The following ROBO2 variants were observed in gnomAD, a reference collection of about 807,000 sequenced individuals.
The protein encoded by ROBO2 is roundabout homolog 2.
ROBO2 carries 53 observed loss-of-function variants against 160.8 expected under a neutral mutation model. That is an observed-to-expected ratio of 0.33 (90% CI 0.26 to 0.41). ROBO2 has a LOEUF of 0.41. Ranked by LOEUF, ROBO2 falls within the 10% of genes least tolerant of loss-of-function variation. The pLI, the probability that ROBO2 is intolerant of heterozygous loss-of-function variation, is 1.00. For missense variants in ROBO2, 1,577 were observed against 1,722.4 expected (o/e 0.92, Z 1.49); for synonymous variants, 664 against 611.7 (o/e 1.09, Z -1.26).
intron 2 of ROBO2, among the ~76,000 whole-genome samples, chr3:76,163,549 T>A (rs1229063150): frequency 6.7e-6 from 1 of 149,692 alleles, no homozygotes; most frequent in East Asian, 1.9e-4. Context: ...TATATTTGAA[T>A]TATATGTATA....
At chr3:77,370,297 G>C (rs1299250953) in intron 2 of ROBO2, among the ~76,000 whole-genome samples, 2 of 152,166 alleles carry the variant, frequency 1.3e-5, no homozygotes, top group Non-Finnish European at 2.9e-5. Context: ...GCTTGAAACG[G>C]AATTCACATT....
intron 2 of ROBO2, among the ~76,000 whole-genome samples, chr3:77,256,795 C>T (rs774353637): frequency 1.4e-4 from 22 of 152,292 alleles, no homozygotes; most frequent in Admixed American, 1.2e-3. Flanking sequence ...GTAAGCCAGC[C>T]GTCTTTCTCT....
intron 2 of ROBO2, among the ~76,000 whole-genome samples, chr3:77,216,168 C>G (rs2084914281): frequency 1.3e-5 from 2 of 152,148 alleles, no homozygotes; most frequent in Non-Finnish European, 2.9e-5. Flanking sequence ...TGCCCTGTCC[C>G]CAGAGGTGGG....
chr3:76,269,010 A>G (rs554521513), intron 2 of ROBO2, among the ~76,000 whole-genome samples: 2 of 152,218 alleles, frequency 1.3e-5, no homozygotes, highest in East Asian at 3.9e-4. Flanking sequence ...AAACATTGAA[A>G]TGACTGTTAT....
intron 2 of ROBO2, among the ~76,000 whole-genome samples, chr3:76,494,304 C>T (rs9819725): frequency 0.02 from 3,089 of 152,152 alleles, 97 homozygotes; most frequent in African/African-American, 0.068. Context: ...AACTGACATA[C>T]GACAGATTAA....
intron 2 of ROBO2, among the ~76,000 whole-genome samples, chr3:77,011,907 T>C (rs1578240652): frequency 6.6e-6 from 1 of 152,262 alleles, no homozygotes; most frequent in East Asian, 1.9e-4. Flanking sequence ...CATGATATAA[T>C]AAGAAAAGAG....
chr3:77,490,111 T>C (rs536277062), intron 4 of ROBO2, among the ~76,000 whole-genome samples: 185 of 149,450 alleles, frequency 1.2e-3, no homozygotes, highest in African/African-American at 4.3e-3. Flanking sequence ...TTTTTTTTTT[T>C]TTTTTTTGGG....
At chr3:77,138,739 T>C (rs990177182) in intron 2 of ROBO2, among the ~76,000 whole-genome samples, 5 of 152,208 alleles carry the variant, frequency 3.3e-5, no homozygotes, top group African/African-American at 1.2e-4. Flanking sequence ...CTTGGAATGA[T>C]TGTCTCTGTG....
intron 2 of ROBO2, among the ~76,000 whole-genome samples, chr3:76,548,026 T>A (rs1053592637): frequency 5.3e-5 from 8 of 152,134 alleles, no homozygotes; most frequent in Admixed American, 2.0e-4. Flanking sequence ...TTTAATAGCA[T>A]GCCATATTCC....
chr3:76,851,834 G>C (rs1316213429), intron 2 of ROBO2, among the ~76,000 whole-genome samples: 1 of 151,414 alleles, frequency 6.6e-6, no homozygotes, highest in African/African-American at 2.4e-5. Context: ...AAGTCATTGA[G>C]ATGTAAATTT....
chr3:76,243,715 T>A (rs1705443288), intron 2 of ROBO2, among the ~76,000 whole-genome samples: 1 of 152,204 alleles, frequency 6.6e-6, no homozygotes, highest in Admixed American at 6.5e-5. Context: ...TACCTCCCTG[T>A]AGCCAAGTTA....
In ROBO2 at chr3:77,326,724, A is replaced by G. The variant is rs117703450; in HGVS notation, c.389-150690A>G. The stretch of plus-strand genomic sequence containing the variant: ...TTGAAAGCATTTAGTTGTGATTAAA[A>G]CAGATTGAAGGAGATAATCCCTCTG... On this transcript the variant is annotated intron_variant, in intron 2 of 25. Transcript: ENST00000461745. Among the ~76,000 whole-genome samples the G allele has an allele frequency of 2.0e-4, 31 of 152,294 alleles. No individual in the cohort carries two copies. In the East Asian group the frequency reaches 6.0e-3, roughly 29 times the overall value.
intron 2 of ROBO2, among the ~76,000 whole-genome samples, chr3:76,785,950 T>G (rs1412714099): frequency 6.6e-6 from 1 of 151,310 alleles, no homozygotes; most frequent in Non-Finnish European, 1.5e-5. Flanking sequence ...AGTGAGGATG[T>G]AGAGAATGGG....
intron 2 of ROBO2, among the ~76,000 whole-genome samples, chr3:76,465,206 G>T (rs1285167078): frequency 6.6e-6 from 1 of 151,942 alleles, no homozygotes; most frequent in African/African-American, 2.4e-5. Context: ...TTTTTATTAG[G>T]TTCTATCCAG....
At chr3:77,601,942 T>C (rs1306563798) in intron 19 of ROBO2, among the ~76,000 whole-genome samples, 1 of 152,182 alleles carries the variant, frequency 6.6e-6, no homozygotes, top group African/African-American at 2.4e-5. Flanking sequence ...TAGTGAAGTA[T>C]GCCAACCGTC....
chr3:76,548,410 G>A (rs1578067069), intron 2 of ROBO2, among the ~76,000 whole-genome samples: 1 of 152,090 alleles, frequency 6.6e-6, no homozygotes, highest in Non-Finnish European at 1.5e-5. Context: ...TCAGGGGTTG[G>A]AATACAGAAG....
chr3:77,459,948 G>GT (rs1470208722), intron 2 of ROBO2, among the ~76,000 whole-genome samples: 1 of 127,544 alleles, frequency 7.8e-6, no homozygotes, highest in East Asian at 2.4e-4. Context: ...GGTGGAGTGG[G>GT]TGGGGGGGTC....
chr3:76,346,287 G>A (rs1352786692), intron 2 of ROBO2, among the ~76,000 whole-genome samples: 2 of 143,488 alleles, frequency 1.4e-5, no homozygotes, highest in Non-Finnish European at 3.0e-5. Flanking sequence ...TCGCTCTGTT[G>A]CCCAGGCTGG....
rs576928075 is a variant in ROBO2 at position 76,959,383 on chromosome 3, C to T, written c.110-138631C>T. ...GCTGATTATATCCTCTGGCAAAATTCGGAACTGTCTACTACTTTGGTGCAA... is the reference window on the plus strand; with the variant it reads ...GCTGATTATATCCTCTGGCAAAATTTGGAACTGTCTACTACTTTGGTGCAA... On this transcript the variant is annotated intron_variant, in intron 2 of 26. Coordinates refer to the ROBO2 transcript ENST00000487694. 5.3e-5 allele frequency among the ~76,000 whole-genome samples: 8 copies of T among 152,224 alleles called. No homozygotes were observed. The South Asian group carries it at 1.2e-3, about 24-fold the overall frequency.
Sources: gnomAD v4.1 joint callset for allele counts (sites outside exome capture counted in the v4.1 genomes callset) on GRCh38, gnomAD v4.1.1 for gene constraint, MANE v1.5 for transcripts, NCBI Gene and HGNC (gene_info 2026-07-23, HGNC 2026-07-21) for gene names.